The following KCNQ3 variants were observed in gnomAD, a reference collection of about 807,000 sequenced individuals.
KCNQ3 encodes potassium voltage-gated channel subfamily KQT member 3.
KCNQ3 carries 30 observed loss-of-function variants against 92.5 expected under a neutral mutation model. The observed-to-expected ratio is 0.32, with a 90% CI of 0.24 to 0.44. The LOEUF is 0.44. Among genes scored for constraint, KCNQ3 ranks in the 20% least tolerant of loss-of-function variants. The probability of loss-of-function intolerance (pLI) is 1.00; values close to 1 mark genes in which losing one functional copy is unlikely to be tolerated. For synonymous variants in KCNQ3, 450 were observed against 468.8 expected (o/e 0.96, Z 0.52); for missense variants, 913 against 1,140.3 (o/e 0.80, Z 2.87).
chr8:132,452,706 C>T (rs1258075292), intron 1 of KCNQ3, among the ~76,000 whole-genome samples: 2 of 152,180 alleles, frequency 1.3e-5, no homozygotes, highest in Non-Finnish European at 2.9e-5. Context: ...TGCCTCCAAG[C>T]TGGGCATGCT....
chr8:132,270,062 C>G (rs1268842260), intron 1 of KCNQ3, among the ~76,000 whole-genome samples: 1 of 151,950 alleles, frequency 6.6e-6, no homozygotes, highest in Non-Finnish European at 1.5e-5. Flanking sequence ...ACGGCTTTCT[C>G]TAACCTTCCC....
At chr8:132,388,561 C>T (rs1224905460) in intron 1 of KCNQ3, among the ~76,000 whole-genome samples, 1 of 151,936 alleles carries the variant, frequency 6.6e-6, no homozygotes, top group African/African-American at 2.4e-5. Context: ...GTGAATAAAT[C>T]ATGTTGCCAG....
chr8:132,224,229 C>G (rs544383300), intron 1 of KCNQ3, among the ~76,000 whole-genome samples: 1 of 151,470 alleles, frequency 6.6e-6, no homozygotes, highest in Admixed American at 6.6e-5. Context: ...AGCCTCTGCA[C>G]CTGGTCAATA....
At chr8:132,381,038 C>G (rs1586971930) in intron 1 of KCNQ3, among the ~76,000 whole-genome samples, 1 of 151,674 alleles carries the variant, frequency 6.6e-6, no homozygotes, top group Non-Finnish European at 1.5e-5. Flanking sequence ...GGAAAATGGG[C>G]AGTCAGCGCT....
At chr8:132,414,980 G>A (rs573350105) in intron 1 of KCNQ3, among the ~76,000 whole-genome samples, 1 of 152,348 alleles carries the variant, frequency 6.6e-6, no homozygotes, top group African/African-American at 2.4e-5. Flanking sequence ...GAGAGGGGCT[G>A]CTGTCAGCTG....
At chr8:132,439,114 AC>A (rs1821465902) in intron 1 of KCNQ3, among the ~76,000 whole-genome samples, 1 of 151,622 alleles carries the variant, frequency 6.6e-6, no homozygotes, top group African/African-American at 2.4e-5. Context: ...TTTATGCCGA[AC>A]CAATTTTTTC....
At chr8:132,335,776 G>A (rs923424190) in intron 1 of KCNQ3, among the ~76,000 whole-genome samples, 13 of 152,314 alleles carry the variant, frequency 8.5e-5, no homozygotes, top group Middle Eastern at 3.4e-3. Flanking sequence ...GGGGGAAGGG[G>A]TGGAAGAAGC....
intron 4 of KCNQ3, among the ~76,000 whole-genome samples, chr8:132,179,096 AT>A (rs1232615381): frequency 2.0e-5 from 3 of 149,284 alleles, no homozygotes; most frequent in Middle Eastern, 3.2e-3. Context: ...TCCTCTCGGG[AT>A]TTTTTTTCTG....
At chr8:132,231,972 C>T (rs780038597) in intron 1 of KCNQ3, among the ~76,000 whole-genome samples, 1 of 152,170 alleles carries the variant, frequency 6.6e-6, no homozygotes, top group Non-Finnish European at 1.5e-5. Flanking sequence ...TATTCTGTTC[C>T]TTATACCTCC....
At position 132,125,970 on chromosome 8, in the gene KCNQ3, C is replaced by T. The variant is rs1205385463; in HGVS notation, c.*3292G>A. On this transcript the variant is annotated 3_prime_UTR_variant, in exon 15 of 15. Transcript: ENST00000388996. ...GTCAAAACTCAAACGATCTCAAGTA[C>T]TTCTTTCTCAGCTCAATAGGATCAT... The T allele has an allele frequency of 6.6e-6, 1 of 152,126 alleles. No homozygotes were observed. The highest frequency in any genetic ancestry group is 1.9e-4 in the East Asian group (1 of 5,194). 9.4% of individuals were successfully genotyped at this position (152,126 alleles called of 1,614,324 possible).
chr8:132,449,321 A>C (rs1448772703), intron 1 of KCNQ3, among the ~76,000 whole-genome samples: 1 of 151,878 alleles, frequency 6.6e-6, no homozygotes, highest in Non-Finnish European at 1.5e-5. Context: ...GCCACTCCCG[A>C]CCGTGAAACC....
rs1429990187 is a variant in KCNQ3, at chr8:132,140,196, A to G, written c.1466-18T>C. On this transcript the variant is annotated intron_variant, in intron 10 of 14. Transcript: ENST00000388996. ...CCCGGCATCTGGGAGGGAGACACAC[A>G]TATGAACGGCAGGCCACAGACCTGG... 6.3e-7 allele frequency: 1 copy of G among 1,587,330 alleles called. No individual in the cohort carries two copies. The highest frequency in any genetic ancestry group is 1.1e-5 in the South Asian group (1 of 90,450).
chr8:132,285,894 G>A (rs1040642582), intron 1 of KCNQ3, among the ~76,000 whole-genome samples: 7 of 152,146 alleles, frequency 4.6e-5, no homozygotes, highest in Non-Finnish European at 7.4e-5. Flanking sequence ...CCAGCACTGG[G>A]CCCCTTGGTC....
chr8:132,412,052 G>T (rs1221756833), intron 1 of KCNQ3, among the ~76,000 whole-genome samples: 1 of 152,158 alleles, frequency 6.6e-6, no homozygotes, highest in Non-Finnish European at 1.5e-5. Flanking sequence ...TATGCAGAAG[G>T]TTCACCCCAT....
chr8:132,233,927 TG>T (rs937736853), intron 1 of KCNQ3, among the ~76,000 whole-genome samples: 1 of 152,186 alleles, frequency 6.6e-6, no homozygotes, highest in Admixed American at 6.6e-5. Context: ...ATTTGACCTG[TG>T]GGGAAAATGA....
intron 1 of KCNQ3, among the ~76,000 whole-genome samples, chr8:132,450,706 C>A (rs186841658): frequency 6.6e-6 from 1 of 152,190 alleles, no homozygotes; most frequent in Non-Finnish European, 1.5e-5. Context: ...AGGCCCAATG[C>A]AGGTGAATGC....
chr8:132,143,695 C>T (rs998897383), intron 9 of KCNQ3, among the ~76,000 whole-genome samples: 12 of 152,168 alleles, frequency 7.9e-5, no homozygotes, highest in Admixed American at 5.9e-4. Context: ...ATTCAGGAAG[C>T]GCTCAATAGA....
intron 1 of KCNQ3, among the ~76,000 whole-genome samples, chr8:132,335,748 G>A (rs867545769): frequency 6.6e-6 from 1 of 152,316 alleles, no homozygotes; most frequent in South Asian, 2.1e-4. Flanking sequence ...CCTGTATCAG[G>A]CTATGGGGTA....
chr8:132,215,415 A>T (rs1813996292), intron 1 of KCNQ3, among the ~76,000 whole-genome samples: 1 of 152,228 alleles, frequency 6.6e-6, no homozygotes, highest in African/African-American at 2.4e-5. Flanking sequence ...ATGTAAGGGC[A>T]GTGCCATAAT....
Sources: allele counts gnomAD v4.1 joint callset (sites outside exome capture counted in the v4.1 genomes callset), GRCh38; gene constraint gnomAD v4.1.1; transcripts MANE v1.5; gene names NCBI Gene and HGNC (gene_info 2026-07-23, HGNC 2026-07-21).